The following PPFIA1 variants were observed in gnomAD, a reference collection of about 807,000 sequenced individuals.
The protein encoded by PPFIA1 is PPFI scaffold protein A1.
Under a neutral mutation model 149.9 loss-of-function variants are expected in PPFIA1, and 25 were observed. The observed-to-expected ratio is 0.17, with a 90% CI of 0.12 to 0.23. PPFIA1 has a LOEUF of 0.23. PPFIA1 is among the 10% of genes least tolerant of loss of function. PPFIA1 has a pLI of 1.00. For synonymous variants in PPFIA1, 549 were observed against 552.8 expected (o/e 0.99, Z 0.10); for missense variants, 1,362 against 1,506.5 (o/e 0.90, Z 1.59).
chr11:70,332,426 A>G (rs2054722401), intron 9 of PPFIA1, among the ~76,000 whole-genome samples: 1 of 152,198 alleles, frequency 6.6e-6, no homozygotes, highest in African/African-American at 2.4e-5. Flanking sequence ...TTTCTCAGAA[A>G]TAGGAAGATG....
At chr11:70,329,961 G>A in intron 7 of PPFIA1, 1 of 481,690 alleles carries the variant, frequency 2.1e-6, no homozygotes. Flanking sequence ...GTAGAGACAA[G>A]GTCTTGAACT....
intron 2 of PPFIA1, among the ~76,000 whole-genome samples, chr11:70,293,683 G>T (rs1482402491): frequency 6.6e-6 from 1 of 152,090 alleles, no homozygotes. Flanking sequence ...GGGTGGACTG[G>T]GCCCTGTAGT....
At chr11:70,271,862 G>C (rs2050119061) in intron 1 of PPFIA1, 2 of 127,280 alleles carry the variant, frequency 1.6e-5, no homozygotes, top group Non-Finnish European at 3.0e-5. Context: ...AAGCACACTT[G>C]TTTTCAGCAA....
chr11:70,271,188 G>T (rs2050056602), intron 1 of PPFIA1: 2 of 152,150 alleles, frequency 1.3e-5, no homozygotes, highest in Admixed American at 1.3e-4. Flanking sequence ...ACCTGTGGCC[G>T]CTGAAAGCCC....
chr11:70,365,452 A>G (rs1382877456), intron 21 of PPFIA1: 1 of 456,538 alleles, frequency 2.2e-6, no homozygotes, highest in East Asian at 6.9e-5. Context: ...CACGCCCCAC[A>G]GCCTGCACTC....
chr11:70,367,401 G>GT (rs1295120071), intron 21 of PPFIA1: 3 of 399,488 alleles, frequency 7.5e-6, no homozygotes, highest in Admixed American at 3.0e-5. Context: ...AACAAAATTA[G>GT]TAAGAGTGCT....
rs146663240 is a variant in PPFIA1 at position 70,343,492 on chromosome 11, T to C, written c.1708-177T>C. ...TCACAAGGGTCCAAGGAATGGATTGTTGCCCTCCCCAATTTCTTAAATACT... is the reference window on the plus strand; with the variant it reads ...TCACAAGGGTCCAAGGAATGGATTGCTGCCCTCCCCAATTTCTTAAATACT... On this transcript the variant is annotated intron_variant, in intron 14 of 27. Coordinates refer to ENST00000253925, the MANE Select transcript of PPFIA1 (RefSeq NM_003626.5). 1.2e-3 allele frequency among the ~76,000 whole-genome samples: 179 copies of C among 152,360 alleles called. 1 individual carries two copies. The highest frequency in any genetic ancestry group is 3.9e-3 in the African/African-American group (164 of 41,594).
chr11:70,341,169 C>CTGTA (rs1358670309), intron 14 of PPFIA1: 1 of 314,858 alleles, frequency 3.2e-6, no homozygotes, highest in East Asian at 7.8e-5. Flanking sequence ...TAAACGATCC[C>CTGTA]TGTACGTCAG....
intron 2 of PPFIA1, among the ~76,000 whole-genome samples, chr11:70,295,756 C>A: frequency 6.6e-6 from 1 of 151,320 alleles, no homozygotes; most frequent in East Asian, 2.0e-4. Flanking sequence ...CACCTCCCTC[C>A]CAGACGGGAC....
chr11:70,346,890 T>C (rs2055735524), intron 15 of PPFIA1, among the ~76,000 whole-genome samples: 1 of 152,186 alleles, frequency 6.6e-6, no homozygotes, highest in Non-Finnish European at 1.5e-5. Context: ...GAATAATTAT[T>C]ATTGGCACAG....
chr11:70,311,694 T>TA (rs2053291318), intron 2 of PPFIA1, among the ~76,000 whole-genome samples: 1 of 152,158 alleles, frequency 6.6e-6, no homozygotes, highest in Non-Finnish European at 1.5e-5. Context: ...ATTTGATTGT[T>TA]ACGGTTGTGG....
intron 2 of PPFIA1, among the ~76,000 whole-genome samples, chr11:70,294,819 A>G (rs1311568578): frequency 6.6e-6 from 1 of 151,616 alleles, no homozygotes. Flanking sequence ...CCCTTAATCC[A>G]TTTAACCCTG....
intron 1 of PPFIA1, among the ~76,000 whole-genome samples, chr11:70,271,683 C>G (rs938737710): frequency 1.3e-5 from 2 of 152,182 alleles, no homozygotes; most frequent in Admixed American, 1.3e-4. Context: ...GCTGACTGCA[C>G]ACATTCCTGC....
intron 16 of PPFIA1, among the ~76,000 whole-genome samples, chr11:70,351,760 G>A (rs1434874996): frequency 1.3e-5 from 2 of 152,166 alleles, no homozygotes; most frequent in East Asian, 1.9e-4. Flanking sequence ...AGGCCCCACA[G>A]TGCACAGTGC....
intron 26 of PPFIA1, among the ~76,000 whole-genome samples, chr11:70,379,547 G>A (rs181491632): frequency 1.3e-5 from 2 of 151,926 alleles, no homozygotes; most frequent in African/African-American, 4.8e-5. Flanking sequence ...TAGGCTGAGA[G>A]GCAGGAGAAT....
Position 70,348,206 on chromosome 11 carries a change from A to G in PPFIA1, c.1949A>G (p.Lys650Arg). The G allele has an allele frequency of 6.2e-7, 1 of 1,614,172 alleles. No individual in the cohort carries two copies. Among genetic ancestry groups the G allele is most frequent in the Non-Finnish European group, 8.5e-7 (1 of 1,180,028 alleles). The change falls in exon 16 of 28, where the codon AAA (lysine) becomes AGA (arginine). Residue 650 changes from lysine to arginine, a missense_variant. By Grantham distance (26) the Lys-to-Arg change is conservative (BLOSUM62 2). Coordinates refer to ENST00000253925, the MANE Select transcript of PPFIA1 (RefSeq NM_003626.5). ...NKEIRLIQEE[K>R]ENTEQRAEEI... ...TATTTTAGGTTGATTCAGGAAGAAA[A>G]AGAAAATACAGAGCAGCGGGCAGAG...
At chr11:70,378,773 C>T (rs1186520440) in intron 26 of PPFIA1, among the ~76,000 whole-genome samples, 1 of 152,208 alleles carries the variant, frequency 6.6e-6, no homozygotes, top group African/African-American at 2.4e-5. Context: ...ATTGACTATA[C>T]CAGCCAGAGA....
In PPFIA1 at chr11:70,272,117, T is replaced by C; in HGVS notation, c.1-56T>C. 1.9e-6 allele frequency: 3 copies of C among 1,553,594 alleles called. No individual in the cohort carries two copies. In the Admixed American group the frequency reaches 5.6e-5, roughly 29 times the overall value. ...TACAGATACCTGTAAAGTTGCATAT[T>C]TGTGGGAACCTGTATTCTGAGCTTA... On this transcript the variant is annotated intron_variant, in intron 1 of 27. Transcript: ENST00000253925.
chr11:70,352,351 A>G (rs909993647), intron 16 of PPFIA1, among the ~76,000 whole-genome samples: 8 of 152,240 alleles, frequency 5.3e-5, no homozygotes, highest in African/African-American at 1.9e-4. Context: ...CAGCAGCAAC[A>G]AGACACAGAG....
Sources: allele counts gnomAD v4.1 joint callset (sites outside exome capture counted in the v4.1 genomes callset), GRCh38; gene constraint gnomAD v4.1.1; transcripts MANE v1.5; gene names NCBI Gene and HGNC (gene_info 2026-07-23, HGNC 2026-07-21).